RASGRP3: variants seen among roughly 807,000 people sequenced by gnomAD.
RASGRP3 encodes ras guanyl-releasing protein 3.
RASGRP3 carries 54 observed loss-of-function variants against 82.7 expected under a neutral mutation model. The ratio of observed to expected loss-of-function variants is 0.65; its 90% CI spans 0.52 to 0.82. The LOEUF (loss-of-function observed/expected upper bound fraction) is 0.82, where lower values mean the gene tolerates loss of function less well. Among genes scored for constraint, RASGRP3 ranks in the 40% least tolerant of loss-of-function variants. The pLI, the probability that RASGRP3 is intolerant of heterozygous loss-of-function variation, is 0.00. For synonymous variants in RASGRP3, 309 were observed against 300.5 expected (o/e 1.03, Z -0.29); for missense variants, 861 against 828.9 (o/e 1.04, Z -0.48).
chr2:33,480,196 C>G (rs990672889), intron 1 of RASGRP3, among the ~76,000 whole-genome samples: 1 of 151,990 alleles, frequency 6.6e-6, no homozygotes, highest in Admixed American at 6.5e-5. Flanking sequence ...GCGCCCGCCA[C>G]CATGCCCGGC....
At chr2:33,551,937 G>A (rs559426554) in intron 14 of RASGRP3, among the ~76,000 whole-genome samples, 24 of 152,214 alleles carry the variant, frequency 1.6e-4, no homozygotes, top group East Asian at 5.8e-4. Flanking sequence ...AGCTTGCAGC[G>A]AGCCAAGATG....
At chr2:33,495,577 G>A (rs1216829825) in intron 1 of RASGRP3, among the ~76,000 whole-genome samples, 1 of 152,096 alleles carries the variant, frequency 6.6e-6, no homozygotes, top group Non-Finnish European at 1.5e-5. Context: ...ATGATGTAAT[G>A]AGTGAAATGA....
intron 1 of RASGRP3, among the ~76,000 whole-genome samples, chr2:33,509,854 A>C (rs901298028): frequency 6.6e-6 from 1 of 152,218 alleles, no homozygotes; most frequent in South Asian, 2.1e-4. Flanking sequence ...AGTATTTATC[A>C]AATAAATTAA....
At chr2:33,522,208 C>T (rs892626588) in intron 7 of RASGRP3, 106 bp downstream of exon 7, 11 of 1,308,864 alleles carry the variant, frequency 8.4e-6, no homozygotes, top group Non-Finnish European at 1.2e-5. Context: ...TATCACTGTG[C>T]TCTGCTGGAG....
chr2:33,508,031 G>T lies in RASGRP3; in HGVS notation c.-260-3679G>T, dbSNP rs192780232. Reference sequence around the variant, plus strand: ...TTTCTTTTGAAAATAGATTCAGAAAGATTTACTGATCCATTGTCTATGGGG... The same window carrying T: ...TTTCTTTTGAAAATAGATTCAGAAATATTTACTGATCCATTGTCTATGGGG... On this transcript the variant is annotated intron_variant, in intron 1 of 17. Coordinates refer to ENST00000403687, the MANE Select transcript of RASGRP3 (RefSeq NM_001139488.2). Among the ~76,000 whole-genome samples the T allele has an allele frequency of 2.6e-5, 4 of 152,284 alleles. No homozygotes were observed. The East Asian group carries it at 7.7e-4, about 29-fold the overall frequency.
intron 1 of RASGRP3, among the ~76,000 whole-genome samples, chr2:33,438,841 C>T (rs923745888): frequency 6.6e-6 from 1 of 152,180 alleles, no homozygotes; most frequent in African/African-American, 2.4e-5. Flanking sequence ...CCCTGGCCTT[C>T]ACATTTAAAT....
Position 33,563,209 on chromosome 2 carries a change from TTG to T in RASGRP3, c.*474_*475del, listed in dbSNP as rs1481254625. ...TTTTTCATTTTTTGTTTTTCTTGTT[TTG>T]TTTTGTTTTGTTTTGTTCTTCTTGG... On this transcript the variant is annotated 3_prime_UTR_variant, in exon 18 of 18. Coordinates refer to ENST00000403687, the MANE Select transcript of RASGRP3 (RefSeq NM_001139488.2). 1.4e-4 allele frequency: 2 copies of T among 14,584 alleles called. No homozygotes were observed. Among genetic ancestry groups the T allele is most frequent in the Non-Finnish European group, 2.3e-4 (2 of 8,534 alleles). The allele number at this position is 14,584 out of a possible 1,614,324, so 0.9% of individuals were successfully genotyped here.
chr2:33,488,636 A>G (rs866144314), intron 1 of RASGRP3, among the ~76,000 whole-genome samples: 1 of 152,244 alleles, frequency 6.6e-6, no homozygotes, highest in African/African-American at 2.4e-5. Flanking sequence ...ATAAAACACA[A>G]CTGAAAATGA....
chr2:33,476,758 C>CGTGCGTGTGTGTGTGTGTGTGTGT (rs1553338895), intron 1 of RASGRP3, 51 bp downstream of exon 1: 5 of 140,258 alleles, frequency 3.6e-5, no homozygotes, highest in South Asian at 2.4e-4. Context: ...ATTCCCTCTC[C>CGTGCGTGTGTGTGTGTGTGTGTGT]GTGTGTGTGT....
chr2:33,562,436 TTTTA>T (rs898323008), intron 17 of RASGRP3, among the ~76,000 whole-genome samples: 4 of 151,626 alleles, frequency 2.6e-5, no homozygotes, highest in African/African-American at 9.7e-5. Context: ...CCCAGCTGGT[TTTTA>T]TTTATTTTTT....
chr2:33,450,439 C>G (rs1002196023), intron 2 of RASGRP3, among the ~76,000 whole-genome samples: 3 of 152,162 alleles, frequency 2.0e-5, no homozygotes, highest in East Asian at 1.9e-4. Flanking sequence ...CTGAGTTCAA[C>G]TTTTTTAGAT....
rs57686411 is a variant in RASGRP3, at chr2:33,555,634, G to C, written c.1579+67G>C. The C allele has an allele frequency of 0.027, 36,396 of 1,331,238 alleles. 2,958 individuals carry two copies. The East Asian group carries it at 0.3, about 11-fold the overall frequency. 82.5% of individuals were successfully genotyped at this position (1,331,238 alleles called of 1,614,324 possible). Reference sequence around the variant, plus strand: ...TTTTGGGTAAGAATCAAATTTGTCTGGTTAAACTACAAAAGCTCTTGCCAT... The same window carrying C: ...TTTTGGGTAAGAATCAAATTTGTCTCGTTAAACTACAAAAGCTCTTGCCAT... On this transcript the variant is annotated intron_variant, in intron 15 of 17. Transcript: ENST00000403687.
chr2:33,515,319 A>T, intron 3 of RASGRP3, 113 bp downstream of exon 3: 1 of 1,157,154 alleles, frequency 8.6e-7, no homozygotes, highest in South Asian at 1.3e-5. Context: ...CTTGGTATTT[A>T]AGGCCTTTCG....
chr2:33,508,357 GA>G (rs201994693), intron 1 of RASGRP3, among the ~76,000 whole-genome samples: 1 of 151,958 alleles, frequency 6.6e-6, no homozygotes, highest in African/African-American at 2.4e-5. Flanking sequence ...GAATTAGCAG[GA>G]AAAAAAATAT....
intron 10 of RASGRP3, chr2:33,532,528 C>A (rs1461757723): frequency 6.6e-6 from 1 of 152,170 alleles, no homozygotes; most frequent in Non-Finnish European, 1.5e-5. Flanking sequence ...CTACTTGGCT[C>A]TTTTATATAA....
intron 10 of RASGRP3, chr2:33,533,652 G>C (rs1673313451): frequency 6.6e-6 from 1 of 152,240 alleles, no homozygotes; most frequent in Non-Finnish European, 1.5e-5. Context: ...GTGGCAGGCT[G>C]CATGCTTGAA....
At chr2:33,507,321 G>A (rs1558459460) in intron 1 of RASGRP3, among the ~76,000 whole-genome samples, 1 of 152,126 alleles carries the variant, frequency 6.6e-6, no homozygotes, top group Non-Finnish European at 1.5e-5. Context: ...CTTGAAAGTG[G>A]GGGGCAGAGG....
In RASGRP3 at chr2:33,555,512, C is replaced by T; in HGVS notation, c.1543-19C>T. The T allele has an allele frequency of 6.3e-7, 1 of 1,586,530 alleles. No homozygotes were observed. The highest frequency in any genetic ancestry group is 1.1e-5 in the South Asian group (1 of 88,210). On this transcript the variant is annotated intron_variant, in intron 14 of 17. Transcript: ENST00000403687. ...ATCTATCCTCAGATTCCCTGACATT[C>T]CTTTGTCTTTTGTTACAGCTCTGGG...
intron 2 of RASGRP3, among the ~76,000 whole-genome samples, chr2:33,471,246 C>T (rs115183780): frequency 2.0e-5 from 3 of 151,968 alleles, no homozygotes; most frequent in Admixed American, 1.3e-4. Context: ...TGTGATCATA[C>T]CTTACTGCAG....
Sources: gnomAD v4.1 joint callset for allele counts (sites outside exome capture counted in the v4.1 genomes callset) on GRCh38, gnomAD v4.1.1 for gene constraint, MANE v1.5 for transcripts, NCBI Gene and HGNC (gene_info 2026-07-23, HGNC 2026-07-21) for gene names.